Variants in SENP7 observed in about 807,000 individuals in gnomAD.
SENP7 encodes sentrin-specific protease 7.
SENP7 carries 64 observed loss-of-function variants against 141.2 expected under a neutral mutation model. The ratio of observed to expected loss-of-function variants is 0.45; its 90% CI spans 0.37 to 0.56. The LOEUF (loss-of-function observed/expected upper bound fraction) is 0.56, where lower values mean the gene tolerates loss of function less well. Among genes scored for constraint, SENP7 ranks in the 20% least tolerant of loss-of-function variants. The probability of loss-of-function intolerance (pLI) is 0.00; values close to 1 mark genes in which losing one functional copy is unlikely to be tolerated. For missense variants in SENP7, 1,025 were observed against 1,212.2 expected (o/e 0.85, Z 2.29); for synonymous variants, 382 against 426.4 (o/e 0.90, Z 1.28).
At chr3:101,375,919 A>G (rs1384629104) in intron 6 of SENP7, among the ~76,000 whole-genome samples, 2 of 152,212 alleles carry the variant, frequency 1.3e-5, no homozygotes, top group African/African-American at 4.8e-5. Flanking sequence ...AAATAGACAA[A>G]TTCACAGAGA....
At chr3:101,428,295 T>A (rs1007593234) in intron 4 of SENP7, among the ~76,000 whole-genome samples, 7 of 152,352 alleles carry the variant, frequency 4.6e-5, no homozygotes, top group Admixed American at 2.6e-4. Flanking sequence ...ATGGTTGAAC[T>A]AATTTACACT....
chr3:101,407,293 C>T (rs1444687988), intron 5 of SENP7, among the ~76,000 whole-genome samples: 2 of 152,074 alleles, frequency 1.3e-5, no homozygotes, highest in Admixed American at 6.5e-5. Context: ...AAAACAACTA[C>T]TAATAGACCT....
At chr3:101,500,193 G>C (rs1051441876) in intron 2 of SENP7, among the ~76,000 whole-genome samples, 1 of 152,008 alleles carries the variant, frequency 6.6e-6, no homozygotes, top group Non-Finnish European at 1.5e-5. Flanking sequence ...CAGAGAAAAG[G>C]GTTTAATAAA....
At chr3:101,432,419 T>C (rs188847631) in intron 4 of SENP7, among the ~76,000 whole-genome samples, 6 of 152,300 alleles carry the variant, frequency 3.9e-5, no homozygotes, top group African/African-American at 7.2e-5. Flanking sequence ...TTGCTGATCA[T>C]AGAGCCCTGG....
chr3:101,507,458 T>C (rs1382124585), intron 1 of SENP7, among the ~76,000 whole-genome samples: 1 of 152,206 alleles, frequency 6.6e-6, no homozygotes, highest in Non-Finnish European at 1.5e-5. Flanking sequence ...CTCATCTACA[T>C]CTTCTTCATC....
rs748565301 is a variant in SENP7 at position 101,343,727 on chromosome 3, C to T, written c.2065G>A (p.Val689Ile). Residue 689 changes from valine to isoleucine, a missense_variant, in exon 14 of 24, where the codon GTT becomes ATT. Transcript: ENST00000394095. ...AGCTTCATTTCTTCAGCAACAGCAA[C>T]ACCAGCAGGGAAAGAACAAGTTGAA... ...CVSTCSFPAG[V>I]AVAEEMKLKS... 16 of 1,613,300 alleles carry T rather than the reference C, an allele frequency of 9.9e-6. No homozygotes were observed. The East Asian group carries it at 3.3e-4, about 34-fold the overall frequency.
At chr3:101,437,589 G>A (rs940667732) in intron 4 of SENP7, among the ~76,000 whole-genome samples, 3 of 152,158 alleles carry the variant, frequency 2.0e-5, no homozygotes, top group African/African-American at 4.8e-5. Flanking sequence ...GCATGTGCCT[G>A]TAGTCCTAGC....
chr3:101,354,012 A>C (rs1281906074), intron 11 of SENP7, among the ~76,000 whole-genome samples: 1 of 152,012 alleles, frequency 6.6e-6, no homozygotes, highest in African/African-American at 2.4e-5. Context: ...TCTGAAAAAG[A>C]ATATACCTAA....
At position 101,331,062 on chromosome 3, in the gene SENP7, C is replaced by T. The variant is rs1022580768; in HGVS notation, c.2699-676G>A. 3.3e-5 allele frequency among the ~76,000 whole-genome samples: 5 copies of T among 152,110 alleles called. 1 individual carries two copies. In the South Asian group the frequency reaches 8.3e-4, roughly 25 times the overall value. ...TTAAGTAAAAATGGGGGATTTCAAG[C>T]ATTGTCTGGAAATCAAAGGCATAAA... On this transcript the variant is annotated intron_variant, in intron 19 of 23. Transcript: ENST00000394095.
chr3:101,469,576 G>A (rs1202948364), intron 3 of SENP7, among the ~76,000 whole-genome samples: 1 of 118,002 alleles, frequency 8.5e-6, no homozygotes, highest in Non-Finnish European at 1.8e-5. Context: ...TGTAATCCCA[G>A]CACTTTGGGA....
intron 6 of SENP7, among the ~76,000 whole-genome samples, chr3:101,382,246 C>A (rs1420639147): frequency 6.6e-6 from 1 of 152,096 alleles, no homozygotes; most frequent in Non-Finnish European, 1.5e-5. Flanking sequence ...GCTTGATCAT[C>A]GCTCATTGTA....
chr3:101,443,982 A>C (rs1407111263), intron 4 of SENP7, among the ~76,000 whole-genome samples: 1 of 149,758 alleles, frequency 6.7e-6, no homozygotes, highest in Non-Finnish European at 1.5e-5. Context: ...AAATTTTTGC[A>C]ACCTACTCAT....
chr3:101,401,832 A>G (rs6766385), intron 5 of SENP7, among the ~76,000 whole-genome samples: 60,247 of 151,658 alleles, frequency 0.4, 12,473 homozygotes, highest in Admixed American at 0.54. Flanking sequence ...AAAATAGAAA[A>G]TATTAGCTTA....
At chr3:101,473,534 T>C (rs1000182907) in intron 3 of SENP7, among the ~76,000 whole-genome samples, 12 of 152,242 alleles carry the variant, frequency 7.9e-5, no homozygotes, top group Non-Finnish European at 8.8e-5. Context: ...GTACGTCTTC[T>C]TTGGAAAAGC....
At chr3:101,338,613 A>G (rs62280663) in intron 16 of SENP7, among the ~76,000 whole-genome samples, 22,708 of 152,192 alleles carry the variant, frequency 0.15, 1,737 homozygotes, top group South Asian at 0.18. Flanking sequence ...AACTCCAGAC[A>G]GCTGCAAAGT....
At chr3:101,489,586 G>A (rs944426668) in intron 3 of SENP7, among the ~76,000 whole-genome samples, 5 of 149,680 alleles carry the variant, frequency 3.3e-5, no homozygotes, top group African/African-American at 9.8e-5. Flanking sequence ...AATGATAAAT[G>A]GTAAAATCCA....
At position 101,345,106 on chromosome 3, in the gene SENP7, T is replaced by C. The variant is rs560052960; in HGVS notation, c.1838-1152A>G. Among the ~76,000 whole-genome samples the C allele has an allele frequency of 3.3e-5, 5 of 152,010 alleles. No homozygotes were observed. In the South Asian group the frequency reaches 1.0e-3, roughly 32 times the overall value. ...TTTTTATACCAGTACCATACTGTTT[T>C]GGTGACTATGGCCTTATAGTTTGAA... On this transcript the variant is annotated intron_variant, in intron 13 of 23. Transcript: ENST00000394095.
chr3:101,484,799 A>G (rs891210957), intron 3 of SENP7, among the ~76,000 whole-genome samples: 3 of 152,112 alleles, frequency 2.0e-5, no homozygotes, highest in African/African-American at 7.2e-5. Flanking sequence ...TGACCAGAGG[A>G]GCAGGGGTAT....
At chr3:101,368,522 AC>A (rs2060096888) in intron 7 of SENP7, among the ~76,000 whole-genome samples, 2 of 144,516 alleles carry the variant, frequency 1.4e-5, no homozygotes, top group Admixed American at 1.5e-4. Flanking sequence ...TGGGAACTGA[AC>A]AATGAGAACA....
Sources: gnomAD v4.1 joint callset for allele counts (sites outside exome capture counted in the v4.1 genomes callset) on GRCh38, gnomAD v4.1.1 for gene constraint, MANE v1.5 for transcripts, NCBI Gene and HGNC (gene_info 2026-07-23, HGNC 2026-07-21) for gene names.